LCLAT1: variants seen among roughly 807,000 people sequenced by gnomAD.
LCLAT1 encodes the protein lysocardiolipin acyltransferase 1.
Under a neutral mutation model 30.7 loss-of-function variants are expected in LCLAT1, and 11 were observed. The ratio of observed to expected loss-of-function variants is 0.36; its 90% CI spans 0.23 to 0.59. LCLAT1 has a LOEUF of 0.59. LCLAT1 is among the 20% of genes least tolerant of loss of function. LCLAT1 has a pLI of 0.77. For synonymous variants in LCLAT1, 155 were observed against 151.3 expected, an observed-to-expected ratio of 1.02 and a Z score of -0.18; for missense variants, 402 against 458.6, an observed-to-expected ratio of 0.88 and a Z score of 1.13.
At position 30,461,953 on chromosome 2, in the gene LCLAT1, TAGTA is replaced by T. The variant is rs1682164347; in HGVS notation, c.-5+14571_-5+14574del. 7.3e-5 allele frequency among the ~76,000 whole-genome samples: 11 copies of T among 151,414 alleles called. No homozygotes were observed. The South Asian group carries it at 2.3e-3, about 32-fold the overall frequency. The stretch of plus-strand genomic sequence containing the variant: ...GCCCGGCTAATTTTTTTGTGTTTTT[TAGTA>T]GAGACGGGGTTTCACTGTGTTAGCC... On this transcript the variant is annotated intron_variant, in intron 1 of 5. Coordinates refer to ENST00000379509, the MANE Select transcript of LCLAT1 (RefSeq NM_001002257.3).
intron 3 of LCLAT1, among the ~76,000 whole-genome samples, chr2:30,543,671 T>G (rs1664257939): frequency 6.6e-6 from 1 of 152,172 alleles, no homozygotes; most frequent in South Asian, 2.1e-4. Flanking sequence ...GTTACCTAAG[T>G]TGTCAAACTG....
chr2:30,538,289 T>G (rs181936693), intron 3 of LCLAT1, among the ~76,000 whole-genome samples: 1 of 152,284 alleles, frequency 6.6e-6, no homozygotes, highest in Admixed American at 6.5e-5. Context: ...GGAATGTTGA[T>G]TTTTTTGGAA....
At chr2:30,529,585 G>T (rs1685891140) in intron 2 of LCLAT1, among the ~76,000 whole-genome samples, 1 of 152,136 alleles carries the variant, frequency 6.6e-6, no homozygotes, top group Non-Finnish European at 1.5e-5. Flanking sequence ...TACTACCTGG[G>T]ATTATGAAAA....
At chr2:30,542,664 A>G (rs1664197057) in intron 3 of LCLAT1, among the ~76,000 whole-genome samples, 1 of 152,126 alleles carries the variant, frequency 6.6e-6, no homozygotes, top group African/African-American at 2.4e-5. Flanking sequence ...ATTTCATTCA[A>G]TCTAATTTCC....
intron 1 of LCLAT1, among the ~76,000 whole-genome samples, chr2:30,481,112 C>T (rs1456656361): frequency 6.6e-6 from 1 of 152,192 alleles, no homozygotes; most frequent in East Asian, 1.9e-4. Context: ...ACAGTTTGCA[C>T]TAAGCCTTGA....
chr2:30,472,054 A>G (rs749312168), intron 1 of LCLAT1, among the ~76,000 whole-genome samples: 27 of 152,172 alleles, frequency 1.8e-4, no homozygotes, highest in Non-Finnish European at 3.8e-4. Context: ...TAAATCTTTA[A>G]CATTCTTCTG....
intron 1 of LCLAT1, among the ~76,000 whole-genome samples, chr2:30,452,212 AT>A (rs1681586608): frequency 6.6e-6 from 1 of 152,052 alleles, no homozygotes; most frequent in Non-Finnish European, 1.5e-5. Flanking sequence ...TGTGCACTTT[AT>A]TGTATATATA....
intron 3 of LCLAT1, among the ~76,000 whole-genome samples, chr2:30,547,376 A>T (rs1414080132): frequency 6.6e-6 from 1 of 152,192 alleles, no homozygotes; most frequent in African/African-American, 2.4e-5. Flanking sequence ...TATTCCACAT[A>T]TTACTTAATA....
intron 1 of LCLAT1, among the ~76,000 whole-genome samples, chr2:30,514,498 A>G (rs1341755302): frequency 6.6e-6 from 1 of 152,156 alleles, no homozygotes; most frequent in Non-Finnish European, 1.5e-5. Context: ...TGACCTTTGG[A>G]TTATTCATGA....
At chr2:30,619,565 T>G (rs1391211361) in intron 5 of LCLAT1, among the ~76,000 whole-genome samples, 1 of 152,242 alleles carries the variant, frequency 6.6e-6, no homozygotes, top group Non-Finnish European at 1.5e-5. Context: ...GAATTTCTGG[T>G]TGTTTTCCTT....
At chr2:30,516,808 C>T (rs1398476415) in intron 1 of LCLAT1, among the ~76,000 whole-genome samples, 1 of 152,196 alleles carries the variant, frequency 6.6e-6, no homozygotes, top group Non-Finnish European at 1.5e-5. Context: ...GAGGAAAATA[C>T]TGGGCAGCTG....
chr2:30,619,867 G>A (rs1225088244), intron 5 of LCLAT1, among the ~76,000 whole-genome samples: 1 of 152,060 alleles, frequency 6.6e-6, no homozygotes, highest in Non-Finnish European at 1.5e-5. Flanking sequence ...TTATCTCCCA[G>A]GTTCCAAAGT....
At chr2:30,603,291 C>T (rs190644487) in intron 5 of LCLAT1, among the ~76,000 whole-genome samples, 49 of 151,644 alleles carry the variant, frequency 3.2e-4, no homozygotes, top group Admixed American at 7.2e-4. Flanking sequence ...TTAAAAAAAC[C>T]TAGCGTGTCT....
intron 5 of LCLAT1, among the ~76,000 whole-genome samples, chr2:30,636,191 AT>A (rs1444236217): frequency 1.3e-5 from 2 of 152,180 alleles, no homozygotes; most frequent in Non-Finnish European, 2.9e-5. Context: ...CAGAGGAAGT[AT>A]TTTTGGCAAT....
At chr2:30,632,827 G>C (rs773459420) in intron 5 of LCLAT1, among the ~76,000 whole-genome samples, 22 of 152,234 alleles carry the variant, frequency 1.4e-4, no homozygotes, top group Non-Finnish European at 2.8e-4. Flanking sequence ...ACTGAGAGCT[G>C]CCTGACTGCA....
At chr2:30,596,348 A>G (rs1036231949) in intron 5 of LCLAT1, among the ~76,000 whole-genome samples, 19 of 152,002 alleles carry the variant, frequency 1.2e-4, no homozygotes, top group Admixed American at 1.2e-3. Flanking sequence ...CTGGTGTGAG[A>G]TGGTATCTCA....
intron 1 of LCLAT1, among the ~76,000 whole-genome samples, chr2:30,462,374 G>T (rs1313103644): frequency 6.6e-6 from 1 of 152,220 alleles, no homozygotes; most frequent in East Asian, 1.9e-4. Context: ...GACCAAGTCA[G>T]TAGTACAGGT....
At chr2:30,560,059 A>G (rs1665121944) in intron 3 of LCLAT1, among the ~76,000 whole-genome samples, 1 of 152,086 alleles carries the variant, frequency 6.6e-6, no homozygotes, top group Admixed American at 6.6e-5. Flanking sequence ...ACTTACACAC[A>G]CTGCTCTGTG....
At chr2:30,552,347 A>G (rs1365358601) in intron 3 of LCLAT1, 1 of 291,064 alleles carries the variant, frequency 3.4e-6, no homozygotes, top group African/African-American at 2.2e-5. Context: ...AGTCTAGTGA[A>G]ATTTGTAGTA....
Sources: allele counts gnomAD v4.1 joint callset (sites outside exome capture counted in the v4.1 genomes callset), GRCh38; gene constraint gnomAD v4.1.1; transcripts MANE v1.5; gene names NCBI Gene and HGNC (gene_info 2026-07-23, HGNC 2026-07-21).